The following WHR1 variants were observed in gnomAD, a reference collection of about 807,000 sequenced individuals.
The protein encoded by WHR1 is MHC class III HLA-RP1.
chr6:31,973,840 G>A, the WHR1 span, among the ~76,000 whole-genome samples: 4 of 152,126 alleles, frequency 2.6e-5, no homozygotes, highest in Admixed American at 2.0e-4. Context: ...AATGAATTAC[G>A]CTCTCTTGGG....
chr6:31,979,074 A>G, the WHR1 span: 2 of 1,485,300 alleles, frequency 1.3e-6, no homozygotes, highest in African/African-American at 2.8e-5. Context: ...GGAAACAGAA[A>G]TAAAAACAAA....
the WHR1 span, chr6:31,979,333 G>A: frequency 6.3e-7 from 1 of 1,580,392 alleles, no homozygotes; most frequent in South Asian, 1.1e-5. Context: ...GGTAAGACAG[G>A]AAGAGAAATG....
At chr6:31,980,219 A>G in the WHR1 span, 1 of 509,830 alleles carries the variant, frequency 2.0e-6, no homozygotes, top group East Asian at 3.0e-5. Flanking sequence ...TAGTAGCAGG[A>G]AAAGAAAAAG....
At chr6:31,979,104 C>T in the WHR1 span, 2 of 1,191,570 alleles carry the variant, frequency 1.7e-6, no homozygotes, top group African/African-American at 3.0e-5. Context: ...TTCCCTGCCC[C>T]CACATCCCAT....
the WHR1 span, among the ~76,000 whole-genome samples, chr6:31,976,492 C>T: frequency 4.6e-5 from 7 of 151,420 alleles, no homozygotes; most frequent in African/African-American, 7.3e-5. Context: ...GATGAGCGGC[C>T]GGGCAGAGAC....
At chr6:31,978,844 G>A in the WHR1 span, 2 of 1,554,010 alleles carry the variant, frequency 1.3e-6, no homozygotes, top group South Asian at 1.1e-5. Context: ...AGCGCCCAGA[G>A]TATAGCAGAG....
At chr6:31,972,750 G>A in the WHR1 span, 1 of 1,612,132 alleles carries the variant, frequency 6.2e-7, no homozygotes, top group Non-Finnish European at 8.5e-7. This position sits in a 1 kb window ranked among gnomAD's most constrained non-coding sequence, Gnocchi z 6.3. Flanking sequence ...GTGGCCGACC[G>A]GCAGCTGGTG....
chr6:31,971,235 C>T, the WHR1 span: 2 of 1,554,094 alleles, frequency 1.3e-6, no homozygotes, highest in South Asian at 1.2e-5. This position sits in a 1 kb window ranked among gnomAD's most constrained non-coding sequence, Gnocchi z 4.5. Flanking sequence ...CTTCTAAGGA[C>T]TGATTCTCAC....
At chr6:31,971,509 G>A in the WHR1 span, 1 of 1,614,196 alleles carries the variant, frequency 6.2e-7, no homozygotes, top group Middle Eastern at 1.6e-4. The surrounding 1 kb of genome is among the most constrained non-coding windows in gnomAD (Gnocchi z 4.5). Flanking sequence ...CTGGCGTTGA[G>A]CATCCAGGGA....
At chr6:31,973,780 G>A in the WHR1 span, among the ~76,000 whole-genome samples, 29,162 of 152,010 alleles carry the variant, frequency 0.19, 3,579 homozygotes, top group African/African-American at 0.34. Flanking sequence ...TCAAAATTAC[G>A]TGGGCTGCTT....
At chr6:31,972,136 A>C in the WHR1 span, 1 of 1,612,980 alleles carries the variant, frequency 6.2e-7, no homozygotes, top group Non-Finnish European at 8.5e-7. This position sits in a 1 kb window ranked among gnomAD's most constrained non-coding sequence, Gnocchi z 6.3. Flanking sequence ...CCACGCCGCC[A>C]ACGAGTCCCC....
chr6:31,971,633 CCT>C, the WHR1 span: 1 of 1,611,352 alleles, frequency 6.2e-7, no homozygotes, highest in South Asian at 1.1e-5. The surrounding 1 kb of genome is among the most constrained non-coding windows in gnomAD (Gnocchi z 4.5). Flanking sequence ...GGCTCAGCTA[CCT>C]CTGTCTTCTC....
chr6:31,972,257 T>A, the WHR1 span: 2 of 1,613,080 alleles, frequency 1.2e-6, no homozygotes, highest in African/African-American at 2.7e-5. This position sits in a 1 kb window ranked among gnomAD's most constrained non-coding sequence, Gnocchi z 6.3. Context: ...CTGACGGGCC[T>A]GAGGGACGAC....
At chr6:31,972,824 C>T in the WHR1 span, 1 of 1,586,946 alleles carries the variant, frequency 6.3e-7, no homozygotes, top group Non-Finnish European at 8.5e-7. This position sits in a 1 kb window ranked among gnomAD's most constrained non-coding sequence, Gnocchi z 6.3. Flanking sequence ...GTCACTCAGT[C>T]ACTCCGCCAG....
the WHR1 span, chr6:31,972,208 G>C: frequency 6.2e-7 from 1 of 1,612,576 alleles, no homozygotes; most frequent in Non-Finnish European, 8.5e-7. The surrounding 1 kb of genome is among the most constrained non-coding windows in gnomAD (Gnocchi z 6.3). Context: ...CCTGGCGGAG[G>C]TGATGCTGGT....
the WHR1 span, chr6:31,979,558 G>C: frequency 6.8e-6 from 11 of 1,612,628 alleles, no homozygotes; most frequent in Non-Finnish European, 1.7e-6. Flanking sequence ...AATCACGTGA[G>C]ACTTGTGGAA....
the WHR1 span, chr6:31,980,425 C>A: frequency 1.9e-6 from 3 of 1,597,724 alleles, no homozygotes; most frequent in South Asian, 2.2e-5. Context: ...CAGCCCTCAT[C>A]TCTGCTGGCT....
chr6:31,975,606 T>G, the WHR1 span, among the ~76,000 whole-genome samples: 2 of 151,874 alleles, frequency 1.3e-5, no homozygotes, highest in East Asian at 3.9e-4. Flanking sequence ...AGTGCTGTTT[T>G]TTTTTTTTTT....
At chr6:31,977,718 G>C in the WHR1 span, among the ~76,000 whole-genome samples, 1 of 151,496 alleles carries the variant, frequency 6.6e-6, no homozygotes, top group Non-Finnish European at 1.5e-5. Context: ...TTGAACTTCT[G>C]ACCTCAAGTG....
Sources: gnomAD v4.1 joint callset for allele counts (sites outside exome capture counted in the v4.1 genomes callset) on GRCh38, gnomAD v4.1.1 for gene constraint, Gnocchi (gnomAD v3.1) non-coding constraint, MANE v1.5 for transcripts, NCBI Gene and HGNC (gene_info 2026-07-23, HGNC 2026-07-21) for gene names.